Variants in PPIF observed in about 807,000 individuals in gnomAD.
The protein encoded by PPIF is peptidyl-prolyl cis-trans isomerase F, mitochondrial.
PPIF carries 23 observed loss-of-function variants against 20.2 expected under a neutral mutation model. The ratio of observed to expected loss-of-function variants is 1.14; its 90% CI spans 0.82 to 1.61. The LOEUF is 1.61. Among genes scored for constraint, PPIF ranks in the 40% most tolerant of loss-of-function variants. PPIF has a pLI of 0.00. For missense variants in PPIF, 287 were observed against 291.6 expected (o/e 0.98, Z 0.11); for synonymous variants, 113 against 123.1 (o/e 0.92, Z 0.54).
At chr10:79,350,066 C>T in intron 3 of PPIF, 1 of 391,226 alleles carries the variant, frequency 2.6e-6, no homozygotes, top group Non-Finnish European at 4.8e-6. Flanking sequence ...CAGCATATTC[C>T]AGTGGTCTCT....
rs147377368 is a variant in PPIF, at chr10:79,353,759, G to A, written c.541G>A (p.Val181Met). 258 of 1,614,242 alleles carry A rather than the reference G, an allele frequency of 1.6e-4. No homozygotes were observed. In the African/African-American group the frequency reaches 2.4e-3, roughly 15 times the overall value. The part of the protein sequence containing the change: ...FGHVKEGMDV[V>M]KKIESFGSKS... The stretch of plus-strand genomic sequence containing the variant: ...TCACGTCAAAGAGGGCATGGACGTC[G>A]TGAAGAAAATAGAATCTTTCGGCTC... The change falls in exon 6 of 6, where the codon GTG becomes ATG. Residue 181 changes from valine to methionine, a missense_variant. Physicochemically the swap from Val to Met is conservative, Grantham distance 21 (BLOSUM62 1). Transcript: ENST00000225174.
intron 1 of PPIF, 83 bp downstream of exon 1, chr10:79,347,826 G>T: frequency 1.6e-6 from 2 of 1,239,586 alleles, no homozygotes; most frequent in Non-Finnish European, 2.0e-6. Context: ...GGTGCCGGGC[G>T]CGCTGGGTGA....
In PPIF at chr10:79,349,767, C is replaced by T; in HGVS notation, c.315+14C>T. 3 of 1,613,860 alleles carry T rather than the reference C, an allele frequency of 1.9e-6. No homozygotes were observed. Among genetic ancestry groups the T allele is most frequent in the Non-Finnish European group, 1.7e-6 (2 of 1,179,998 alleles). On this transcript the variant is annotated intron_variant, in intron 3 of 5. Transcript: ENST00000225174. ...TTCATGTGCCAGGTAATGTAGTTTCCTCTTCTGTAAGGGGGGATGAGAGCA... is the reference window on the plus strand; with the variant it reads ...TTCATGTGCCAGGTAATGTAGTTTCTTCTTCTGTAAGGGGGGATGAGAGCA...
chr10:79,353,509 G>A (rs903560125), intron 5 of PPIF, 198 bp from the exon 6 acceptor site: 15 of 860,242 alleles, frequency 1.7e-5, no homozygotes, highest in Non-Finnish European at 2.7e-5. Context: ...GACAGAATGT[G>A]TCCTGGAAGC....
rs140523725 is a variant in PPIF at position 79,348,454 on chromosome 10, A to G, written c.196-622A>G. 4.0e-4 allele frequency among the ~76,000 whole-genome samples: 61 copies of G among 152,300 alleles called. No individual in the cohort carries two copies. In the East Asian group the frequency reaches 0.011, roughly 28 times the overall value. On this transcript the variant is annotated intron_variant, in intron 1 of 5. Coordinates refer to ENST00000225174, the MANE Select transcript of PPIF (RefSeq NM_005729.4). The stretch of plus-strand genomic sequence containing the variant: ...GTCACCAGGGTAGCTTTAGAGGGAA[A>G]GCCCTAGTGGAGCCTTCAGGTCGGC...
chr10:79,347,594 G>A lies in PPIF; in HGVS notation c.46G>A (p.Val16Ile), dbSNP rs1388931013. Residue 16 changes from valine to isoleucine, a missense_variant, in exon 1 of 6, where the codon GTC becomes ATC. Transcript: ENST00000225174. Reference protein sequence around the residue: ...CGSRWLGLLSVPRSVPLRLPA... With the variant: ...CGSRWLGLLSIPRSVPLRLPA... ...CTCCCGCTGGCTCGGCCTGCTCTCC[G>A]TCCCGCGCTCCGTGCCGCTGCGCCT... The A allele has an allele frequency of 1.4e-6, 2 of 1,420,308 alleles. No homozygotes were observed. The highest frequency in any genetic ancestry group is 1.8e-6 in the Non-Finnish European group (2 of 1,084,140). 88.0% of individuals were successfully genotyped at this position (1,420,308 alleles called of 1,614,324 possible). A position where few individuals can be genotyped will look rare whatever the true frequency, so the allele number is the denominator to read the frequency against.
At chr10:79,349,877 G>T (rs1317882073) in intron 3 of PPIF, 124 bp downstream of exon 3, 2 of 1,510,994 alleles carry the variant, frequency 1.3e-6, no homozygotes, top group African/African-American at 1.4e-5. Context: ...CAGCCAGGCT[G>T]CCCTCCCTGC....
At chr10:79,352,285 G>A (rs1855991965) in intron 4 of PPIF, 32 bp from the exon 5 acceptor site, 2 of 1,595,610 alleles carry the variant, frequency 1.3e-6, no homozygotes, top group South Asian at 1.1e-5. Flanking sequence ...GCCTCCAGGG[G>A]CAGCGTGGCT....
chr10:79,352,497 C>A, intron 5 of PPIF, 105 bp downstream of exon 5: 1 of 1,165,190 alleles, frequency 8.6e-7, no homozygotes, highest in Non-Finnish European at 1.3e-6. Flanking sequence ...GCCTTCTGCT[C>A]TGGGACAGTG....
At chr10:79,353,642 C>A (rs771603915) in intron 5 of PPIF, 65 bp from the exon 6 acceptor site, 1 of 1,611,636 alleles carries the variant, frequency 6.2e-7, no homozygotes, top group South Asian at 1.1e-5. Flanking sequence ...ATTCCATGAC[C>A]AGGTCCATGG....
chr10:79,348,837 C>T (rs1370982876), intron 1 of PPIF, among the ~76,000 whole-genome samples: 2 of 152,228 alleles, frequency 1.3e-5, no homozygotes, highest in Non-Finnish European at 2.9e-5. Context: ...ATAGCATTGT[C>T]ATCTCTTCTG....
At chr10:79,351,426 C>T in intron 3 of PPIF, 61 bp from the exon 4 acceptor site, 1 of 1,559,704 alleles carries the variant, frequency 6.4e-7, no homozygotes, top group Non-Finnish European at 8.8e-7. Context: ...GCTGCCAGCG[C>T]CAGGGCCGTG....
chr10:79,349,761 A>G lies in PPIF; in HGVS notation c.315+8A>G, dbSNP rs1484113753. 2 of 1,613,766 alleles carry G rather than the reference A, an allele frequency of 1.2e-6. No homozygotes were observed. Among genetic ancestry groups the G allele is most frequent in the African/African-American group, 2.7e-5 (2 of 74,928 alleles). On this transcript the variant is annotated splice_region_variant and intron_variant, in intron 3 of 5. Transcript: ENST00000225174. ...CCTTCCTTCATGTGCCAGGTAATGT[A>G]GTTTCCTCTTCTGTAAGGGGGGATG...
rs996167135 is a variant in PPIF, at chr10:79,352,426, G to C, written c.488+34G>C. 1.9e-6 allele frequency: 3 copies of C among 1,595,552 alleles called. No homozygotes were observed. In the Admixed American group the frequency reaches 5.0e-5, roughly 27 times the overall value. On this transcript the variant is annotated intron_variant, in intron 5 of 5. Coordinates refer to ENST00000225174, the MANE Select transcript of PPIF (RefSeq NM_005729.4). ...CCTGCCCCAGGCCCTCTGGGAATGC[G>C]GGCAGCCTTGCAGCTGGAGGAGGAT... is the stretch of plus-strand genomic sequence containing the variant.
In PPIF at chr10:79,351,484, C is replaced by T. The variant is rs775170004; in HGVS notation, c.316-3C>T. 6.2e-7 allele frequency: 1 copy of T among 1,613,704 alleles called. No homozygotes were observed. Among genetic ancestry groups the T allele is most frequent in the Admixed American group, 1.7e-5 (1 of 60,024 alleles). Reference sequence around the variant, plus strand: ...CCACTCAGAAGGTGCTTTGTGCTCACAGGCGGGCGACTTCACCAACCACAA... The same window carrying T: ...CCACTCAGAAGGTGCTTTGTGCTCATAGGCGGGCGACTTCACCAACCACAA... On this transcript the variant is annotated splice_region_variant and splice_polypyrimidine_tract_variant and intron_variant, in intron 3 of 5. Coordinates refer to ENST00000225174, the MANE Select transcript of PPIF (RefSeq NM_005729.4).
In PPIF at chr10:79,351,580, C is replaced by A. The variant is rs779096623; in HGVS notation, c.409C>A (p.Pro137Thr). Residue 137 changes from proline (P) to threonine (T), a missense_variant, in exon 4 of 6, where the codon CCA (proline) becomes ACA (threonine). Transcript: ENST00000225174. ...DENFTLKHVG[P>T]GVLSMANAGP... ...GAACTTTACACTGAAGCACGTGGGGCCAGGTGAGTGGGGGCCTCCTCTAGG... is the reference window on the plus strand; with the variant it reads ...GAACTTTACACTGAAGCACGTGGGGACAGGTGAGTGGGGGCCTCCTCTAGG... 6.2e-7 allele frequency: 1 copy of A among 1,613,622 alleles called. No homozygotes were observed. Among genetic ancestry groups the A allele is most frequent in the Non-Finnish European group, 8.5e-7 (1 of 1,179,530 alleles).
At chr10:79,348,163 T>G (rs1483600303) in intron 1 of PPIF, among the ~76,000 whole-genome samples, 1 of 152,010 alleles carries the variant, frequency 6.6e-6, no homozygotes, top group African/African-American at 2.4e-5. Context: ...ACGGAGCGCT[T>G]CCTGGCTCCG....
At chr10:79,353,297 A>C (rs1856005825) in intron 5 of PPIF, among the ~76,000 whole-genome samples, 1 of 152,264 alleles carries the variant, frequency 6.6e-6, no homozygotes, top group South Asian at 2.1e-4. Context: ...GGACTCCTGC[A>C]GTTTCACCAC....
chr10:79,347,557 G>T lies in PPIF; in HGVS notation c.9G>T (p.Ala3=). ...CCCGACCCGCGCCCGCGATGCTGGC[G>T]CTGCGCTGCGGCTCCCGCTGGCTCG... ML[A]LRCGSRWLGL... Residue 3 remains alanine (A), a synonymous_variant, in exon 1 of 6, where the codon GCG becomes GCT. Transcript: ENST00000225174. 2 of 1,328,888 alleles carry T rather than the reference G, an allele frequency of 1.5e-6. No homozygotes were observed. The highest frequency in any genetic ancestry group is 1.9e-6 in the Non-Finnish European group (2 of 1,042,952). 82.3% of individuals were successfully genotyped at this position (1,328,888 alleles called of 1,614,324 possible).
Sources: gnomAD v4.1 joint callset for allele counts (sites outside exome capture counted in the v4.1 genomes callset) on GRCh38, gnomAD v4.1.1 for gene constraint, MANE v1.5 for transcripts, NCBI Gene and HGNC (gene_info 2026-07-23, HGNC 2026-07-21) for gene names.